TSG101: variants seen among roughly 807,000 people sequenced by gnomAD.
TSG101 encodes the protein tumor susceptibility 101.
A neutral mutation model predicts 48.5 loss-of-function variants in TSG101; 19 were observed. The ratio of observed to expected loss-of-function variants is 0.39; its 90% CI spans 0.27 to 0.58. The LOEUF is 0.58. TSG101 is among the 20% of genes least tolerant of loss of function. The pLI is 0.55. For synonymous variants in TSG101, 174 were observed against 169.4 expected, an observed-to-expected ratio of 1.03 and a Z score of -0.21; for missense variants, 365 against 484.4, an observed-to-expected ratio of 0.75 and a Z score of 2.31.
At chr11:18,485,596 A>C (rs1208954530) in intron 7 of TSG101, among the ~76,000 whole-genome samples, 3 of 152,116 alleles carry the variant, frequency 2.0e-5, no homozygotes, top group Admixed American at 6.6e-5. Flanking sequence ...GAAGAAGGTA[A>C]TTATTAAAAT....
At chr11:18,509,992 C>G in intron 4 of TSG101, among the ~76,000 whole-genome samples, 1 of 152,046 alleles carries the variant, frequency 6.6e-6, no homozygotes, top group Non-Finnish European at 1.5e-5. Context: ...TATAAGTATA[C>G]TGGTACAAAT....
In TSG101 at chr11:18,483,880, T is replaced by C; in HGVS notation, c.833A>G (p.Asp278Gly). 1 of 1,614,144 alleles carries C rather than the reference T, an allele frequency of 6.2e-7. No individual in the cohort carries two copies. The highest frequency in any genetic ancestry group is 8.5e-7 in the Non-Finnish European group (1 of 1,180,036). The change falls in exon 8 of 10, where the codon GAT (aspartate) becomes GGT (glycine). Residue 278 changes from aspartate (D) to glycine (G), a missense_variant. Asp to Gly is a moderately conservative substitution (Grantham distance 94). Transcript: ENST00000251968. The part of the protein sequence containing the change: ...QKLEEMVTRL[D>G]QEVAEVDKNI... ...TAATGAGTCACTTACTACTTCTTGATCTAAACGGGTAACCATCTCTTCCAG... is the reference window on the plus strand; with the variant it reads ...TAATGAGTCACTTACTACTTCTTGACCTAAACGGGTAACCATCTCTTCCAG...
At chr11:18,502,807 G>A (rs183492421) in intron 6 of TSG101, among the ~76,000 whole-genome samples, 7 of 152,296 alleles carry the variant, frequency 4.6e-5, no homozygotes, top group Middle Eastern at 3.4e-3. Context: ...CCAGTTATAT[G>A]AGAGTCACCC....
At chr11:18,489,246 G>A (rs1390106380) in intron 7 of TSG101, among the ~76,000 whole-genome samples, 1 of 148,412 alleles carries the variant, frequency 6.7e-6, no homozygotes, top group African/African-American at 2.5e-5. Context: ...TTTTTTTGGA[G>A]ATGAGGTCTC....
rs762700904 is a variant in TSG101, at chr11:18,480,628, C to G, written c.1091G>C (p.Arg364Pro). The stretch of plus-strand genomic sequence containing the variant: ...CTGGAACTGTTTACGGGACAGAAGA[C>G]GTACATGCTGGGAGGGGAGAAAAGT... Reference protein sequence around the residue: ...IDLDVFLKHVRLLSRKQFQLR... With the variant: ...IDLDVFLKHVPLLSRKQFQLR... Residue 364 changes from arginine to proline, a missense_variant, in exon 10 of 10, where the codon CGT (arginine) becomes CCT (proline). By Grantham distance (103) the Arg-to-Pro change is moderately radical. Coordinates refer to ENST00000251968, the MANE Select transcript of TSG101 (RefSeq NM_006292.4). 1 of 1,613,518 alleles carries G rather than the reference C, an allele frequency of 6.2e-7. No individual in the cohort carries two copies. The highest frequency in any genetic ancestry group is 8.5e-7 in the Non-Finnish European group (1 of 1,179,744).
intron 7 of TSG101, among the ~76,000 whole-genome samples, chr11:18,497,219 T>C (rs1849798007): frequency 6.6e-6 from 1 of 152,140 alleles, no homozygotes; most frequent in Non-Finnish European, 1.5e-5. Context: ...GACTCTAATA[T>C]CTAAATGATA....
chr11:18,521,156 C>A (rs909684918), intron 1 of TSG101, among the ~76,000 whole-genome samples: 5 of 152,148 alleles, frequency 3.3e-5, no homozygotes, highest in African/African-American at 1.2e-4. Flanking sequence ...ATATCAGCAA[C>A]CACTGATGCT....
intron 8 of TSG101, 27 bp from the exon 9 acceptor site, chr11:18,481,896 A>G (rs764184672): frequency 8.1e-6 from 13 of 1,607,738 alleles, no homozygotes; most frequent in Middle Eastern, 2.2e-4. Flanking sequence ...CCAAGCATTA[A>G]TAACTGTACA....
At chr11:18,487,514 G>C (rs1330275443) in intron 7 of TSG101, among the ~76,000 whole-genome samples, 1 of 152,108 alleles carries the variant, frequency 6.6e-6, no homozygotes, top group East Asian at 1.9e-4. Flanking sequence ...AAAAACATTA[G>C]ATCGTTTCTG....
chr11:18,485,581 A>G (rs1371845001), intron 7 of TSG101, among the ~76,000 whole-genome samples: 1 of 152,154 alleles, frequency 6.6e-6, no homozygotes, highest in Non-Finnish European at 1.5e-5. Context: ...TTCTGCTGCA[A>G]TGTAGAAGAA....
chr11:18,480,774 T>C (rs895154098), intron 9 of TSG101, 139 bp from the exon 10 acceptor site: 21 of 667,396 alleles, frequency 3.1e-5, no homozygotes, highest in Admixed American at 5.3e-5. Flanking sequence ...TACCTCATTA[T>C]ATGTGGCTTT....
intron 5 of TSG101, among the ~76,000 whole-genome samples, chr11:18,507,318 C>T (rs1252034616): frequency 6.6e-6 from 1 of 152,160 alleles, no homozygotes; most frequent in Non-Finnish European, 1.5e-5. Context: ...TCTTTTATAA[C>T]TATGTTGGCC....
chr11:18,485,946 A>C (rs1849613761), intron 7 of TSG101, among the ~76,000 whole-genome samples: 1 of 152,186 alleles, frequency 6.6e-6, no homozygotes, highest in Non-Finnish European at 1.5e-5. Flanking sequence ...GAGAACTTCT[A>C]TTCCTGTTTG....
intron 4 of TSG101, among the ~76,000 whole-genome samples, chr11:18,510,112 T>A (rs910295374): frequency 1.6e-4 from 24 of 152,220 alleles, no homozygotes; most frequent in African/African-American, 5.5e-4. Context: ...AAAGATATTA[T>A]GAACTCTGAA....
At chr11:18,496,477 TAA>T (rs1223301612) in intron 7 of TSG101, among the ~76,000 whole-genome samples, 2 of 146,792 alleles carry the variant, frequency 1.4e-5, no homozygotes, top group African/African-American at 5.0e-5. Flanking sequence ...TAAAATAAAA[TAA>T]AATAAAATAA....
At chr11:18,502,106 C>T (rs1034961889) in intron 7 of TSG101, among the ~76,000 whole-genome samples, 2 of 152,184 alleles carry the variant, frequency 1.3e-5, no homozygotes, top group African/African-American at 4.8e-5. Flanking sequence ...AACTACTGGT[C>T]TTCAATCATT....
chr11:18,493,025 A>G lies in TSG101; in HGVS notation c.641-8953T>C, dbSNP rs949393459. Among the ~76,000 whole-genome samples, 5 of 152,340 alleles carry G rather than the reference A, an allele frequency of 3.3e-5. No homozygotes were observed. In the South Asian group the frequency reaches 1.0e-3, roughly 32 times the overall value. On this transcript the variant is annotated intron_variant, in intron 7 of 9. Coordinates refer to ENST00000251968, the MANE Select transcript of TSG101 (RefSeq NM_006292.4). ...AATTTGAATATTCTCTATACCTGCT[A>G]TAACAAGAATAAGAAGAGTTTTTGG... is the stretch of plus-strand genomic sequence containing the variant.
intron 2 of TSG101, among the ~76,000 whole-genome samples, chr11:18,518,558 C>G (rs1267848612): frequency 6.6e-6 from 1 of 152,136 alleles, no homozygotes; most frequent in Non-Finnish European, 1.5e-5. Context: ...ACAACTTTGT[C>G]TCAATAGAAA....
chr11:18,492,099 G>A (rs1849706983), intron 7 of TSG101, among the ~76,000 whole-genome samples: 3 of 152,216 alleles, frequency 2.0e-5, no homozygotes, highest in Admixed American at 1.3e-4. Flanking sequence ...ATGATATGAT[G>A]ACTATTGAAG....
Sources: gnomAD v4.1 joint callset for allele counts (sites outside exome capture counted in the v4.1 genomes callset) on GRCh38, gnomAD v4.1.1 for gene constraint, MANE v1.5 for transcripts, NCBI Gene and HGNC (gene_info 2026-07-23, HGNC 2026-07-21) for gene names.